Variants in RELCH observed in about 807,000 individuals in gnomAD.
The protein encoded by RELCH is RAB11-binding protein RELCH.
Under a neutral mutation model 150.3 loss-of-function variants are expected in RELCH, and 41 were observed. The observed-to-expected ratio is 0.27, with a 90% CI of 0.21 to 0.35. The LOEUF is 0.35. RELCH is among the 10% of genes least tolerant of loss of function. The probability of loss-of-function intolerance (pLI) is 1.00; values close to 1 mark genes in which losing one functional copy is unlikely to be tolerated. For synonymous variants in RELCH, 478 were observed against 531.8 expected (o/e 0.90, Z 1.39); for missense variants, 1,092 against 1,467.8 (o/e 0.74, Z 4.18).
At chr18:62,201,433 T>G (rs1298755577) in intron 1 of RELCH, among the ~76,000 whole-genome samples, 4 of 152,182 alleles carry the variant, frequency 2.6e-5, no homozygotes, top group Non-Finnish European at 4.4e-5. Flanking sequence ...ATAAATCGTC[T>G]TTACTGAAAG....
In RELCH at chr18:62,305,272, T is replaced by A. The variant is rs2045839469; in HGVS notation, c.3531-142T>A. On this transcript the variant is annotated intron_variant, in intron 28 of 28. Coordinates refer to ENST00000644646, the MANE Select transcript of RELCH (RefSeq NM_001346231.2). This position sits in a 1 kb window ranked among gnomAD's most constrained non-coding sequence, Gnocchi z 4.0. ...TGAAAGCTCCTAACCTAGTATGGCA[T>A]ATACAAACTACCCTCCATAAATATT... 3 of 620,598 alleles carry A rather than the reference T, an allele frequency of 4.8e-6. No individual in the cohort carries two copies. The highest frequency in any genetic ancestry group is 7.9e-6 in the Non-Finnish European group (3 of 379,104). 38.4% of individuals were successfully genotyped at this position (620,598 alleles called of 1,614,324 possible).
At chr18:62,210,835 T>C (rs1372991877) in intron 1 of RELCH, among the ~76,000 whole-genome samples, 1 of 152,190 alleles carries the variant, frequency 6.6e-6, no homozygotes, top group Non-Finnish European at 1.5e-5. Flanking sequence ...TAGGCACTTG[T>C]TCAATCTGTA....
intron 2 of RELCH, among the ~76,000 whole-genome samples, chr18:62,218,783 T>C (rs1464369119): frequency 6.6e-6 from 1 of 151,996 alleles, no homozygotes; most frequent in Non-Finnish European, 1.5e-5. Context: ...GCAGCATTTT[T>C]AATAAACATA....
intron 7 of RELCH, among the ~76,000 whole-genome samples, 160 bp from the exon 8 acceptor site, chr18:62,228,145 A>C (rs2041328345): frequency 6.6e-6 from 1 of 152,194 alleles, no homozygotes; most frequent in Non-Finnish European, 1.5e-5. Flanking sequence ...TATATGAAGC[A>C]TCAGTGAATA....
At chr18:62,216,530 T>C (rs2040486403) in intron 2 of RELCH, among the ~76,000 whole-genome samples, 1 of 151,744 alleles carries the variant, frequency 6.6e-6, no homozygotes, top group Non-Finnish European at 1.5e-5. Context: ...TGAATGCTGG[T>C]AAGATCAGTT....
At chr18:62,210,562 T>A (rs1002875251) in intron 1 of RELCH, among the ~76,000 whole-genome samples, 2 of 152,220 alleles carry the variant, frequency 1.3e-5, no homozygotes, top group East Asian at 3.8e-4. Flanking sequence ...CATTCCATAG[T>A]TTTTGCTAAG....
chr18:62,232,412 A>C lies in RELCH; in HGVS notation c.1605A>C (p.Leu535=), dbSNP rs757952760. The change falls in exon 10 of 29, where the codon CTA becomes CTC. Residue 535 remains leucine, a synonymous_variant. Coordinates refer to ENST00000644646, the MANE Select transcript of RELCH (RefSeq NM_001346231.2). ...RCLPHIVPNV[L]LAKREELIPL... is the part of the protein sequence containing the mutation. ...TGCCACACATTGTTCCCAATGTGCTATTGGCAAAGAGAGAGGTAAGACACA... is the reference window on the plus strand; with the variant it reads ...TGCCACACATTGTTCCCAATGTGCTCTTGGCAAAGAGAGAGGTAAGACACA... 1.4e-5 allele frequency: 23 copies of C among 1,605,338 alleles called. No homozygotes were observed. The highest frequency in any genetic ancestry group is 2.0e-5 in the Non-Finnish European group (23 of 1,172,792).
At position 62,187,379 on chromosome 18, in the gene RELCH, A is replaced by C; in HGVS notation, c.-127A>C. ...CCTTGGAGCGTACTCCTTGTCTCTAAGTCGGGAGGCAGGACGTGGTCAGGC... is the reference window on the plus strand; with the variant it reads ...CCTTGGAGCGTACTCCTTGTCTCTACGTCGGGAGGCAGGACGTGGTCAGGC... On this transcript the variant is annotated 5_prime_UTR_variant, in exon 1 of 29. Transcript: ENST00000644646. The C allele has an allele frequency of 2.4e-6, 2 of 839,934 alleles. No individual in the cohort carries two copies. The highest frequency in any genetic ancestry group is 3.5e-6 in the Non-Finnish European group (2 of 575,926). The allele number at this position is 839,934 out of a possible 1,614,324, so 52.0% of individuals were successfully genotyped here.
rs1377145806 is a variant in RELCH at position 62,287,487 on chromosome 18, G to A, written c.3370+20G>A. 1.6e-6 allele frequency: 2 copies of A among 1,245,750 alleles called. No homozygotes were observed. Among genetic ancestry groups the A allele is most frequent in the East Asian group, 2.3e-5 (1 of 42,718 alleles). 77.2% of individuals were successfully genotyped at this position (1,245,750 alleles called of 1,614,324 possible). A position where few individuals can be genotyped will look rare whatever the true frequency, so the allele number is the denominator to read the frequency against. Reference sequence around the variant, plus strand: ...GTTGTTGTATCCTTGTTTTATTAAGGTGTATCTACATTTATGTAACCAATC... The same window carrying A: ...GTTGTTGTATCCTTGTTTTATTAAGATGTATCTACATTTATGTAACCAATC... On this transcript the variant is annotated intron_variant, in intron 26 of 28. Transcript: ENST00000644646.
chr18:62,237,452 A>G (rs1300817074), intron 10 of RELCH, among the ~76,000 whole-genome samples: 2 of 151,838 alleles, frequency 1.3e-5, no homozygotes, highest in Non-Finnish European at 3.0e-5. Context: ...GTATAAATTC[A>G]AATATGTGAT....
At chr18:62,291,994 T>C (rs908686115) in intron 27 of RELCH, among the ~76,000 whole-genome samples, 1 of 152,216 alleles carries the variant, frequency 6.6e-6, no homozygotes, top group Non-Finnish European at 1.5e-5. Context: ...TATTTCATTC[T>C]ATTTGTCTCC....
chr18:62,291,275 A>C (rs1192346181), intron 26 of RELCH, among the ~76,000 whole-genome samples: 1 of 152,174 alleles, frequency 6.6e-6, no homozygotes, highest in Non-Finnish European at 1.5e-5. Flanking sequence ...TGTTACGCTC[A>C]CTTTATACAT....
intron 12 of RELCH, among the ~76,000 whole-genome samples, chr18:62,253,303 G>A (rs2042825759): frequency 1.5e-5 from 2 of 132,950 alleles, no homozygotes; most frequent in South Asian, 2.3e-4. Context: ...GTGTGTGTGT[G>A]TGTGTGTGTA....
chr18:62,275,349 C>T (rs2044142516), intron 21 of RELCH, 25 bp from the exon 22 acceptor site: 2 of 1,287,238 alleles, frequency 1.6e-6, no homozygotes, highest in Non-Finnish European at 2.2e-6. Flanking sequence ...TCAATTTTAA[C>T]ACTGTTTTTT....
chr18:62,276,342 T>C (rs2044207302), intron 22 of RELCH, among the ~76,000 whole-genome samples: 1 of 152,132 alleles, frequency 6.6e-6, no homozygotes, highest in Admixed American at 6.6e-5. Context: ...TGTCTCAAAG[T>C]ATCAGTCTCA....
intron 17 of RELCH, 50 bp from the exon 18 acceptor site, chr18:62,264,679 C>T: frequency 1.4e-6 from 2 of 1,384,160 alleles, no homozygotes; most frequent in Non-Finnish European, 2.0e-6. Context: ...GGCAAGGAAA[C>T]AGTAATTTAT....
At chr18:62,227,228 T>A (rs1471240323) in intron 5 of RELCH, 61 bp from the exon 6 acceptor site, 7 of 1,179,034 alleles carry the variant, frequency 5.9e-6, no homozygotes, top group Middle Eastern at 2.1e-4. Flanking sequence ...ATAATATGAA[T>A]TTCAAAAATG....
chr18:62,281,279 G>T (rs879455640), intron 24 of RELCH, among the ~76,000 whole-genome samples: 9 of 152,212 alleles, frequency 5.9e-5, no homozygotes, highest in Non-Finnish European at 1.0e-4. Context: ...GTGTTGCACA[G>T]ATTTGAGGAC....
At chr18:62,230,090 T>G (rs751701683) in intron 8 of RELCH, among the ~76,000 whole-genome samples, 1 of 151,896 alleles carries the variant, frequency 6.6e-6, no homozygotes, top group Non-Finnish European at 1.5e-5. Flanking sequence ...ATTCAGACAT[T>G]GGTAATGGGA....
Sources: gnomAD v4.1 joint callset for allele counts (sites outside exome capture counted in the v4.1 genomes callset) on GRCh38, gnomAD v4.1.1 for gene constraint, Gnocchi (gnomAD v3.1) non-coding constraint, MANE v1.5 for transcripts, NCBI Gene and HGNC (gene_info 2026-07-23, HGNC 2026-07-21) for gene names.